Variants in BRPF3 observed in about 807,000 individuals in gnomAD.
BRPF3 encodes bromodomain and PHD finger containing 3, also known as bromodomain and PHD finger-containing protein 3.
BRPF3 carries 18 observed loss-of-function variants against 102.0 expected under a neutral mutation model. That is an observed-to-expected ratio of 0.18 (90% CI 0.12 to 0.26). BRPF3 has a LOEUF of 0.26. Among genes scored for constraint, BRPF3 ranks in the 10% least tolerant of loss-of-function variants. BRPF3 has a pLI of 1.00. For missense variants in BRPF3, 1,147 were observed against 1,567.8 expected (o/e 0.73, Z 4.53); for synonymous variants, 570 against 614.2 (o/e 0.93, Z 1.06).
rs760757237 is a variant in BRPF3, at chr6:36,200,592, C to G, written c.270C>G (p.Ser90=). Reference sequence around the variant, plus strand: ...AACAGCCTCAGTTCCCTGGCAAGTCCAAGAAACCCTCATCCAAGGGCAAAA... The same window carrying G: ...AACAGCCTCAGTTCCCTGGCAAGTCGAAGAAACCCTCATCCAAGGGCAAAA... ...NSEQPQFPGK[S]KKPSSKGKKK... The change falls in exon 2 of 13, where the codon TCC becomes TCG. Residue 90 remains serine, a synonymous_variant. Coordinates refer to ENST00000357641, the MANE Select transcript of BRPF3 (RefSeq NM_015695.3). The surrounding 1 kb of genome is among the most constrained non-coding windows in gnomAD (Gnocchi z 5.3). The G allele has an allele frequency of 6.2e-7, 1 of 1,614,174 alleles. No individual in the cohort carries two copies. Among genetic ancestry groups the G allele is most frequent in the South Asian group, 1.1e-5 (1 of 91,088 alleles).
Position 36,201,692 on chromosome 6 carries a change from A to G in BRPF3, c.1370A>G (p.Lys457Arg), listed in dbSNP as rs1581943329. The G allele has an allele frequency of 1.2e-6, 2 of 1,614,238 alleles. No homozygotes were observed. Among genetic ancestry groups the G allele is most frequent in the Non-Finnish European group, 1.7e-6 (2 of 1,180,030 alleles). ...AAGATGAGTTTGAAGCAGAAGATCA[A>G]GAAGGAGCCAGAGGAAGCAGGCCAA... ...KSKMSLKQKI[K>R]KEPEEAGQDT... is the part of the protein sequence containing the mutation. The change falls in exon 2 of 13, where the codon AAG becomes AGG. Residue 457 changes from lysine to arginine, a missense_variant. Physicochemically the swap from Lys to Arg is conservative, Grantham distance 26 (BLOSUM62 2). Around this residue, in one of 11 missense-constraint regions of BRPF3, gnomAD observed 157 missense variants for 163.6 expected, o/e 0.96. Coordinates refer to ENST00000357641, the MANE Select transcript of BRPF3 (RefSeq NM_015695.3). This position sits in a 1 kb window ranked among gnomAD's most constrained non-coding sequence, Gnocchi z 5.1.
chr6:36,211,718 G>A (rs998310286), intron 7 of BRPF3, among the ~76,000 whole-genome samples, 158 bp downstream of exon 7: 2 of 152,210 alleles, frequency 1.3e-5, no homozygotes, highest in African/African-American at 4.8e-5. Context: ...TATACGCAGG[G>A]ATGATGTTCA....
rs1298654843 is a variant in BRPF3 at position 36,200,680 on chromosome 6, C to T, written c.358C>T (p.Arg120Cys). 7 of 1,614,142 alleles carry T rather than the reference C, an allele frequency of 4.3e-6. No individual in the cohort carries two copies. Among genetic ancestry groups the T allele is most frequent in the Admixed American group, 3.3e-5 (2 of 60,020 alleles). ...TSFHLPQPSF[R>C]MVDSGIQPEA... ...CTTCCACCTCCCACAGCCCAGCTTCCGTATGGTGGACTCAGGCATCCAGCC... is the reference window on the plus strand; with the variant it reads ...CTTCCACCTCCCACAGCCCAGCTTCTGTATGGTGGACTCAGGCATCCAGCC... Residue 120 changes from arginine (R) to cysteine (C), a missense_variant, in exon 2 of 13, where the codon CGT becomes TGT. This residue lies in a region of BRPF3 where 221 missense variants were observed against 337.1 expected (regional missense o/e 0.66). Transcript: ENST00000357641. The surrounding 1 kb of genome is among the most constrained non-coding windows in gnomAD (Gnocchi z 5.3).
chr6:36,225,887 G>A (rs770607220), intron 11 of BRPF3, among the ~76,000 whole-genome samples: 2 of 151,932 alleles, frequency 1.3e-5, no homozygotes, highest in Non-Finnish European at 2.9e-5. Flanking sequence ...GATAACTTGG[G>A]GTGTATATCC....
In BRPF3 at chr6:36,225,300, G is replaced by A. The variant is rs771772748; in HGVS notation, c.3215G>A (p.Gly1072Glu). 1.6e-5 allele frequency: 25 copies of A among 1,610,082 alleles called. No homozygotes were observed. The highest frequency in any genetic ancestry group is 2.1e-5 in the Non-Finnish European group (25 of 1,180,022). Residue 1072 changes from glycine to glutamate, a missense_variant, in exon 11 of 13, where the codon GGA becomes GAA. Around this residue, in one of 11 missense-constraint regions of BRPF3, gnomAD observed 379 missense variants for 426.3 expected, o/e 0.89. Coordinates refer to ENST00000357641, the MANE Select transcript of BRPF3 (RefSeq NM_015695.3). ...RSLLLPFEDRGDLEPLELVWA... is the reference protein window; with the variant it reads ...RSLLLPFEDREDLEPLELVWA... ...CTCCTGCTGCCCTTTGAAGACCGCG[G>A]AGACCTGGAGCCCTTGGAGCTGGTG...
In BRPF3 at chr6:36,216,007, G is replaced by A. The variant is rs566174906; in HGVS notation, c.2989+1621G>A. ...GTTTTCAACAATACCTTCCCATCTC[G>A]TCTGGCCAAAACTTTTCTGTGTTAG... On this transcript the variant is annotated intron_variant, in intron 8 of 12. Transcript: ENST00000357641. Among the ~76,000 whole-genome samples, 396 of 152,132 alleles carry A rather than the reference G, an allele frequency of 2.6e-3. 3 individuals carry two copies. The highest frequency in any genetic ancestry group is 4.3e-3 in the Non-Finnish European group (291 of 67,996).
intron 2 of BRPF3, 97 bp from the exon 3 acceptor site, chr6:36,204,561 A>G (rs746887466): frequency 1.4e-6 from 2 of 1,397,496 alleles, no homozygotes; most frequent in Admixed American, 1.7e-5. Flanking sequence ...CTTCCTGTAT[A>G]AGGTTCAGAA....
Position 36,222,250 on chromosome 6 carries a change from G to C in BRPF3, c.3166G>C (p.Asp1056His). The change falls in exon 10 of 13, where the codon GAC becomes CAC. Residue 1056 changes from aspartate to histidine, a missense_variant. By Grantham distance (81) the Asp-to-His change is moderately conservative (BLOSUM62 -1). Around this residue, in one of 11 missense-constraint regions of BRPF3, gnomAD observed 379 missense variants for 426.3 expected, o/e 0.89. Transcript: ENST00000357641. ...PFLEGVNGDSDYNGSGRSLLL... is the reference protein window; with the variant it reads ...PFLEGVNGDSHYNGSGRSLLL... Reference sequence around the variant, plus strand: ...CCTGGAAGGTGTGAACGGAGACTCTGACTACAATGGCTCAGGTGAGGAGCA... The same window carrying C: ...CCTGGAAGGTGTGAACGGAGACTCTCACTACAATGGCTCAGGTGAGGAGCA... 1 of 1,549,916 alleles carries C rather than the reference G, an allele frequency of 6.5e-7. No homozygotes were observed. Among genetic ancestry groups the C allele is most frequent in the Non-Finnish European group, 8.7e-7 (1 of 1,147,068 alleles).
intron 10 of BRPF3, among the ~76,000 whole-genome samples, chr6:36,224,269 C>T (rs1768653669): frequency 6.6e-6 from 1 of 152,006 alleles, no homozygotes; most frequent in Non-Finnish European, 1.5e-5. Context: ...CAATTTCCAC[C>T]CTGTTAGATT....
chr6:36,219,848 C>T (rs919108761), intron 9 of BRPF3, among the ~76,000 whole-genome samples: 1 of 152,246 alleles, frequency 6.6e-6, no homozygotes, highest in Non-Finnish European at 1.5e-5. Flanking sequence ...GAACTGGTCA[C>T]TAACCCATCC....
chr6:36,200,922 C>T lies in BRPF3; in HGVS notation c.600C>T (p.Arg200=). The T allele has an allele frequency of 6.2e-7, 1 of 1,614,192 alleles. No homozygotes were observed. The highest frequency in any genetic ancestry group is 8.5e-7 in the Non-Finnish European group (1 of 1,180,038). Residue 200 remains arginine (R), a synonymous_variant, in exon 2 of 13, where the codon CGC becomes CGT. Coordinates refer to ENST00000357641, the MANE Select transcript of BRPF3 (RefSeq NM_015695.3). This position sits in a 1 kb window ranked among gnomAD's most constrained non-coding sequence, Gnocchi z 5.3. ...RLEKESYLES[R]SSGAQQSLID... Reference sequence around the variant, plus strand: ...AGAAAGAGTCATACTTGGAGAGTCGCAGCAGTGGGGCCCAACAGTCACTCA... The same window carrying T: ...AGAAAGAGTCATACTTGGAGAGTCGTAGCAGTGGGGCCCAACAGTCACTCA...
chr6:36,208,233 C>G (rs898546271), intron 4 of BRPF3, among the ~76,000 whole-genome samples: 41 of 152,294 alleles, frequency 2.7e-4, no homozygotes, highest in African/African-American at 9.1e-4. Context: ...GTCTACTGCA[C>G]ATGGCAGAGA....
intron 6 of BRPF3, 151 bp from the exon 7 acceptor site, chr6:36,211,107 T>C: frequency 1.2e-6 from 1 of 847,210 alleles, no homozygotes; most frequent in Non-Finnish European, 1.8e-6. Context: ...GGCAGTGGTG[T>C]TGCAGGGCCA....
In BRPF3 at chr6:36,214,200, A is replaced by G; in HGVS notation, c.2803A>G (p.Lys935Glu). Residue 935 changes from lysine to glutamate, a missense_variant, in exon 8 of 13, where the codon AAG (lysine) becomes GAG (glutamate). Physicochemically the swap from Lys to Glu is moderately conservative, Grantham distance 56. Transcript: ENST00000357641. ...CACATCAGTCCTCTTCAAGAAGGCC[A>G]AGAATGGGGTTAAGCTACAGAGAAG... Reference protein sequence around the residue: ...RRTSVLFKKAKNGVKLQRSPD... With the variant: ...RRTSVLFKKAENGVKLQRSPD... 6.2e-7 allele frequency: 1 copy of G among 1,614,164 alleles called. No homozygotes were observed. Among genetic ancestry groups the G allele is most frequent in the Non-Finnish European group, 8.5e-7 (1 of 1,180,002 alleles).
At chr6:36,212,884 C>T (rs1399740506) in intron 7 of BRPF3, among the ~76,000 whole-genome samples, 5 of 151,566 alleles carry the variant, frequency 3.3e-5, no homozygotes, top group African/African-American at 7.3e-5. Context: ...ACCCGGGAAG[C>T]GGAGCTTGCA....
At chr6:36,225,479 G>T (rs377678526) in intron 11 of BRPF3, 115 bp downstream of exon 11, 21 of 946,586 alleles carry the variant, frequency 2.2e-5, no homozygotes, top group South Asian at 5.1e-5. Context: ...AGCTGTAGAG[G>T]GGAGGGGGGT....
rs989848150 is a variant in BRPF3 at position 36,209,931 on chromosome 6, T to A, written c.1866+16T>A. The A allele has an allele frequency of 5.0e-6, 8 of 1,613,314 alleles. No individual in the cohort carries two copies. In the African/African-American group the frequency reaches 1.1e-4, roughly 22 times the overall value. On this transcript the variant is annotated intron_variant, in intron 5 of 12. Transcript: ENST00000357641. ...CTTGAGTGAGGCAAGTTCCCCCTAC[T>A]TTCCAAGTAGTAAATTCTTCTTGAA...
intron 7 of BRPF3, 109 bp from the exon 8 acceptor site, chr6:36,213,771 G>T: frequency 8.6e-7 from 1 of 1,160,868 alleles, no homozygotes; most frequent in Non-Finnish European, 1.2e-6. Flanking sequence ...TGCATCTCAA[G>T]CCTTATAACA....
intron 7 of BRPF3, among the ~76,000 whole-genome samples, chr6:36,212,741 CAGG>C (rs1376464488): frequency 3.3e-5 from 5 of 151,882 alleles, no homozygotes; most frequent in Admixed American, 6.6e-5. Flanking sequence ...ATCATGAGGT[CAGG>C]AGATCGAGAC....
Sources: allele counts gnomAD v4.1 joint callset (sites outside exome capture counted in the v4.1 genomes callset), GRCh38; gene constraint gnomAD v4.1.1; regional missense constraint gnomAD v4.1.1; non-coding constraint Gnocchi (gnomAD v3.1); transcripts MANE v1.5; gene names NCBI Gene and HGNC (gene_info 2026-07-23, HGNC 2026-07-21).